Variants in SEMA6D observed in about 807,000 individuals in gnomAD.
SEMA6D encodes semaphorin 6D.
A neutral mutation model predicts 106.6 loss-of-function variants in SEMA6D; 35 were observed. The ratio of observed to expected loss-of-function variants is 0.33; its 90% confidence interval spans 0.25 to 0.44. The LOEUF is 0.44. Among genes scored for constraint, SEMA6D ranks in the 20% least tolerant of loss-of-function variants. SEMA6D has a pLI of 1.00. For synonymous variants in SEMA6D, 499 were observed against 487.7 expected (o/e 1.02, Z -0.31); for missense variants, 1,185 against 1,345.9 (o/e 0.88, Z 1.87).
chr15:47,382,613 A>C (rs1595874698), intron 1 of SEMA6D, among the ~76,000 whole-genome samples: 1 of 152,250 alleles, frequency 6.6e-6, no homozygotes, highest in African/African-American at 2.4e-5. Flanking sequence ...AAGATCACAC[A>C]AATGCTGCTC....
chr15:47,393,310 C>A (rs937817398), intron 1 of SEMA6D: 1 of 152,198 alleles, frequency 6.6e-6, no homozygotes, highest in Non-Finnish European at 1.5e-5. Context: ...AGATACTTGA[C>A]ATCATACTTA....
At chr15:47,196,614 G>A (rs1894377979) in intron 1 of SEMA6D, among the ~76,000 whole-genome samples, 1 of 152,140 alleles carries the variant, frequency 6.6e-6, no homozygotes, top group African/African-American at 2.4e-5. Context: ...CAAATCCTTT[G>A]GAAGGTAGCT....
At chr15:47,423,595 C>G (rs2041238323) in intron 2 of SEMA6D, among the ~76,000 whole-genome samples, 1 of 151,948 alleles carries the variant, frequency 6.6e-6, no homozygotes, top group African/African-American at 2.4e-5. Context: ...ACTACAAATA[C>G]ATAGGATAAA....
chr15:47,450,579 G>C (rs2042160896), intron 2 of SEMA6D, among the ~76,000 whole-genome samples: 1 of 152,056 alleles, frequency 6.6e-6, no homozygotes, highest in Non-Finnish European at 1.5e-5. Context: ...AGTTTTATGG[G>C]CTTTTCAAAT....
chr15:47,613,649 T>G (rs1233549483), intron 4 of SEMA6D, among the ~76,000 whole-genome samples: 2 of 151,848 alleles, frequency 1.3e-5, no homozygotes, highest in African/African-American at 4.8e-5. Flanking sequence ...ACTTTATTTT[T>G]TAATTTTTTT....
intron 2 of SEMA6D, among the ~76,000 whole-genome samples, chr15:47,456,507 GA>G (rs1157975039): frequency 6.6e-6 from 1 of 151,938 alleles, no homozygotes; most frequent in East Asian, 1.9e-4. Context: ...GCTGCCGCTA[GA>G]ATTTCTTTCA....
chr15:47,379,538 G>C (rs910560336), intron 1 of SEMA6D, among the ~76,000 whole-genome samples: 1 of 152,012 alleles, frequency 6.6e-6, no homozygotes, highest in Admixed American at 6.6e-5. Context: ...CTGAGATGAG[G>C]CAAATTGAGC....
intron 1 of SEMA6D, among the ~76,000 whole-genome samples, chr15:47,300,458 A>T (rs1402918496): frequency 2.0e-5 from 3 of 152,142 alleles, no homozygotes; most frequent in African/African-American, 7.2e-5. Flanking sequence ...GGGAGGCACG[A>T]TCATAAATAG....
chr15:47,510,988 T>G (rs753421155), intron 3 of SEMA6D, among the ~76,000 whole-genome samples: 8 of 152,200 alleles, frequency 5.3e-5, no homozygotes, highest in Non-Finnish European at 1.0e-4. Context: ...TATAACCTAA[T>G]TTATGAGATG....
rs562385125 is a variant in SEMA6D at position 47,761,050 on chromosome 15, TA to T, written c.282+13del. On this transcript the variant is annotated intron_variant, in intron 4 of 18. Coordinates refer to ENST00000536845, the MANE Select transcript of SEMA6D (RefSeq NM_001358351.3). ...TAATACCCAACAAGGTGAGCAACTG[TA>T]GTTGGCAAATTTATTTACCTTCCCT... 4.9e-4 allele frequency: 783 copies of T among 1,613,166 alleles called. 4 individuals carry two copies. In the African/African-American group the frequency reaches 9.4e-3, roughly 19 times the overall value.
chr15:47,552,868 TTA>T (rs1555389679), intron 3 of SEMA6D, among the ~76,000 whole-genome samples: 7 of 57,202 alleles, frequency 1.2e-4, no homozygotes, highest in African/African-American at 6.2e-4. Flanking sequence ...ATATATATTT[TTA>T]TATATATATA....
chr15:47,276,685 T>A (rs1160477065), intron 1 of SEMA6D, among the ~76,000 whole-genome samples: 1 of 152,178 alleles, frequency 6.6e-6, no homozygotes, highest in East Asian at 1.9e-4. Flanking sequence ...AGAGCTCAGA[T>A]GGAAATGTAC....
At position 47,545,797 on chromosome 15, in the gene SEMA6D, C is replaced by G. The variant is rs568249223; in HGVS notation, c.-86-55068C>G. Among the ~76,000 whole-genome samples the G allele has an allele frequency of 7.2e-5, 11 of 152,192 alleles. No homozygotes were observed. The South Asian group carries it at 1.5e-3, about 20-fold the overall frequency. ...CCTGGAATGAACATCTGAGGACATTCTATTTTGTTCCAGTTTAGATTTTGT... is the reference window on the plus strand; with the variant it reads ...CCTGGAATGAACATCTGAGGACATTGTATTTTGTTCCAGTTTAGATTTTGT... On this transcript the variant is annotated intron_variant, in intron 3 of 19. Coordinates refer to the SEMA6D transcript ENST00000558014.
chr15:47,662,723 T>A (rs553672440), intron 4 of SEMA6D, among the ~76,000 whole-genome samples: 16 of 152,282 alleles, frequency 1.1e-4, no homozygotes, highest in African/African-American at 3.4e-4. Flanking sequence ...GATACCACTC[T>A]TTGCAAACTT....
chr15:47,392,349 T>C (rs2040064274), intron 1 of SEMA6D, among the ~76,000 whole-genome samples: 1 of 152,194 alleles, frequency 6.6e-6, no homozygotes, highest in Non-Finnish European at 1.5e-5. Flanking sequence ...ACTTTGAAGA[T>C]GTGATTAAAT....
intron 3 of SEMA6D, among the ~76,000 whole-genome samples, chr15:47,496,055 T>A (rs1287728080): frequency 6.6e-6 from 1 of 152,072 alleles, no homozygotes; most frequent in Non-Finnish European, 1.5e-5. Context: ...AAATAGAGTA[T>A]AACAAAACAC....
intron 1 of SEMA6D, among the ~76,000 whole-genome samples, chr15:47,379,565 G>A (rs2039567126): frequency 6.6e-6 from 1 of 152,238 alleles, no homozygotes; most frequent in African/African-American, 2.4e-5. Flanking sequence ...ATGCTAAAGG[G>A]ATATAAGGCA....
chr15:47,212,097 G>T (rs1238765465), intron 1 of SEMA6D, among the ~76,000 whole-genome samples: 1 of 152,124 alleles, frequency 6.6e-6, no homozygotes, highest in African/African-American at 2.4e-5. Context: ...AATGTAAAAG[G>T]TACATTAAAA....
chr15:47,437,393 A>G (rs1039408418), intron 2 of SEMA6D, among the ~76,000 whole-genome samples: 1 of 152,110 alleles, frequency 6.6e-6, no homozygotes, highest in African/African-American at 2.4e-5. Context: ...AAATGAATGA[A>G]TGTATCAAAA....
Sources: allele counts gnomAD v4.1 joint callset (sites outside exome capture counted in the v4.1 genomes callset), GRCh38; gene constraint gnomAD v4.1.1; transcripts MANE v1.5; gene names NCBI Gene and HGNC (gene_info 2026-07-23, HGNC 2026-07-21).